The following BBS9 variants were observed in gnomAD, a reference collection of about 807,000 sequenced individuals.
BBS9 encodes the protein Bardet-Biedl syndrome 9.
Under a neutral mutation model 117.7 loss-of-function variants are expected in BBS9, and 89 were observed. The ratio of observed to expected loss-of-function variants is 0.76; its 90% CI spans 0.64 to 0.90. The LOEUF (loss-of-function observed/expected upper bound fraction) is 0.90. Ranked by LOEUF, BBS9 falls within the 40% of genes least tolerant of loss-of-function variation. The pLI is 0.00. For missense variants in BBS9, 982 were observed against 1,042.2 expected, an observed-to-expected ratio of 0.94 and a Z score of 0.80; for synonymous variants, 379 against 370.9, an observed-to-expected ratio of 1.02 and a Z score of -0.25.
At chr7:33,369,088 T>G (rs913261893) in intron 17 of BBS9, among the ~76,000 whole-genome samples, 1 of 152,200 alleles carries the variant, frequency 6.6e-6, no homozygotes, top group African/African-American at 2.4e-5. Flanking sequence ...AAATTTCAAA[T>G]GTATAGTTCA....
chr7:33,437,034 G>T (rs1835400541), intron 19 of BBS9, among the ~76,000 whole-genome samples: 1 of 152,170 alleles, frequency 6.6e-6, no homozygotes, highest in Admixed American at 6.5e-5. Flanking sequence ...AAATATCAGG[G>T]ATTGAATAAA....
chr7:33,513,711 C>T (rs1400186033), intron 20 of BBS9, among the ~76,000 whole-genome samples: 1 of 152,128 alleles, frequency 6.6e-6, no homozygotes, highest in African/African-American at 2.4e-5. Context: ...AATAAATATT[C>T]ACATACATGT....
At chr7:33,488,604 C>A (rs1843436810) in intron 19 of BBS9, among the ~76,000 whole-genome samples, 1 of 152,046 alleles carries the variant, frequency 6.6e-6, no homozygotes, top group Non-Finnish European at 1.5e-5. Flanking sequence ...TTTTGAAGGT[C>A]TTTTCAGATT....
chr7:33,618,352 A>T (rs1585487162), intron 21 of BBS9, among the ~76,000 whole-genome samples: 1 of 152,316 alleles, frequency 6.6e-6, no homozygotes, highest in South Asian at 2.1e-4. Flanking sequence ...CTCAAAAAAA[A>T]AAAAAGTAAG....
intron 21 of BBS9, among the ~76,000 whole-genome samples, chr7:33,617,259 A>G (rs1477977176): frequency 6.6e-6 from 1 of 152,140 alleles, no homozygotes; most frequent in African/African-American, 2.4e-5. Context: ...AAATATAAAG[A>G]CACATATAGA....
intron 21 of BBS9, among the ~76,000 whole-genome samples, chr7:33,613,365 T>C (rs2129216030): frequency 6.6e-6 from 1 of 152,192 alleles, no homozygotes; most frequent in African/African-American, 2.4e-5. Context: ...ACGTCTTTTA[T>C]AACCGTGAAA....
Position 33,605,621 on chromosome 7 carries a change from A to T in BBS9, c.*395A>T. The T allele has an allele frequency of 4.3e-6, 1 of 235,236 alleles. No homozygotes were observed. Among genetic ancestry groups the T allele is most frequent in the South Asian group, 6.6e-5 (1 of 15,184 alleles). 14.6% of individuals were successfully genotyped at this position (235,236 alleles called of 1,614,324 possible). A position where few individuals can be genotyped will look rare whatever the true frequency, so the allele number is the denominator to read the frequency against. ...TGTATCAAGTTTAATAAAGCATCTCATTGTCAAATAATATCTTGGATTTTA... is the reference window on the plus strand; with the variant it reads ...TGTATCAAGTTTAATAAAGCATCTCTTTGTCAAATAATATCTTGGATTTTA... On this transcript the variant is annotated 3_prime_UTR_variant, in exon 23 of 23. Transcript: ENST00000242067.
intron 21 of BBS9, among the ~76,000 whole-genome samples, chr7:33,552,992 C>G (rs902340581): frequency 2.0e-5 from 3 of 152,142 alleles, no homozygotes; most frequent in African/African-American, 7.2e-5. Context: ...CTTCTACTCA[C>G]CAAGCGTTTT....
In BBS9 at chr7:33,571,354, A is replaced by G. The variant is rs553015741; in HGVS notation, c.2522-33511A>G. On this transcript the variant is annotated intron_variant, in intron 21 of 22. Coordinates refer to ENST00000242067, the MANE Select transcript of BBS9 (RefSeq NM_198428.3). ...ACTGAAAGAACAGAATAGAATAGAG[A>G]AAAAACAGAAAATATTAAAGGAGAC... 2.7e-3 allele frequency among the ~76,000 whole-genome samples: 396 copies of G among 145,110 alleles called. 3 individuals carry two copies. Among genetic ancestry groups the G allele is most frequent in the African/African-American group, 9.2e-3 (371 of 40,434 alleles).
At chr7:33,209,010 A>G (rs1197169458) in intron 5 of BBS9, among the ~76,000 whole-genome samples, 2 of 152,216 alleles carry the variant, frequency 1.3e-5, no homozygotes, top group Non-Finnish European at 2.9e-5. Context: ...TACTGACTAT[A>G]GTCATCCTAT....
At chr7:33,326,027 C>A (rs1407464319) in intron 9 of BBS9, among the ~76,000 whole-genome samples, 1 of 152,086 alleles carries the variant, frequency 6.6e-6, no homozygotes, top group African/African-American at 2.4e-5. Context: ...TAGGGCTCTA[C>A]AATCATCAAG....
Position 33,270,607 on chromosome 7 carries a change from A to G in BBS9, c.703-2405A>G, listed in dbSNP as rs1316954432. 2.0e-5 allele frequency among the ~76,000 whole-genome samples: 3 copies of G among 152,368 alleles called. No individual in the cohort carries two copies. In the East Asian group the frequency reaches 5.8e-4, roughly 29 times the overall value. ...TGGCAGAAGAGACCAAGCTGTGGAA[A>G]GAATCTGAGAGCTTGAAGACTGGCT... On this transcript the variant is annotated intron_variant, in intron 7 of 22. Coordinates refer to ENST00000242067, the MANE Select transcript of BBS9 (RefSeq NM_198428.3).
chr7:33,174,289 C>A (rs536160585), intron 4 of BBS9, among the ~76,000 whole-genome samples: 64 of 152,322 alleles, frequency 4.2e-4, no homozygotes, highest in Non-Finnish European at 7.8e-4. Context: ...CTTGGTCGCT[C>A]AGCTCTCCTG....
chr7:33,263,644 A>G (rs1346805001), intron 6 of BBS9, among the ~76,000 whole-genome samples: 2 of 152,182 alleles, frequency 1.3e-5, no homozygotes, highest in African/African-American at 2.4e-5. Flanking sequence ...GCTACAAACT[A>G]CTATGTGATT....
At chr7:33,433,484 C>G (rs1220588169) in intron 19 of BBS9, among the ~76,000 whole-genome samples, 3 of 152,126 alleles carry the variant, frequency 2.0e-5, no homozygotes, top group Non-Finnish European at 4.4e-5. Context: ...AAAGTTCTTC[C>G]TCTGTTTTTA....
chr7:33,435,804 T>C (rs949289274), intron 19 of BBS9, among the ~76,000 whole-genome samples: 1 of 152,200 alleles, frequency 6.6e-6, no homozygotes, highest in Non-Finnish European at 1.5e-5. Context: ...TTGTGTTCTC[T>C]TGTGACACTG....
chr7:33,315,691 T>C (rs1434753645), intron 9 of BBS9, among the ~76,000 whole-genome samples: 1 of 152,196 alleles, frequency 6.6e-6, no homozygotes, highest in Non-Finnish European at 1.5e-5. Flanking sequence ...TGTTAGGCAG[T>C]CCTAGGTCAT....
At chr7:33,573,592 AAATG>A (rs1280074016) in intron 21 of BBS9, among the ~76,000 whole-genome samples, 3 of 152,172 alleles carry the variant, frequency 2.0e-5, no homozygotes, top group African/African-American at 7.2e-5. Flanking sequence ...TACTGCAAAA[AAATG>A]CTGTAATTTA....
intron 19 of BBS9, chr7:33,390,594 T>C: frequency 1.0e-6 from 1 of 972,228 alleles, no homozygotes; most frequent in South Asian, 4.8e-5. Context: ...TAAATGAGGG[T>C]GAGGTGTTGA....
Sources: gnomAD v4.1 joint callset for allele counts (sites outside exome capture counted in the v4.1 genomes callset) on GRCh38, gnomAD v4.1.1 for gene constraint, MANE v1.5 for transcripts, NCBI Gene and HGNC (gene_info 2026-07-23, HGNC 2026-07-21) for gene names.